PARD3B: variants seen among roughly 807,000 people sequenced by gnomAD.
PARD3B encodes par-3 family cell polarity regulator beta, also known as partitioning defective 3 homolog B.
PARD3B carries 103 observed loss-of-function variants against 130.2 expected under a neutral mutation model. The observed-to-expected ratio is 0.79, with a 90% CI of 0.67 to 0.93. The LOEUF (loss-of-function observed/expected upper bound fraction) is 0.93. PARD3B is among the 40% of genes least tolerant of loss of function. The pLI, the probability that PARD3B is intolerant of heterozygous loss-of-function variation, is 0.00. For missense variants in PARD3B, 1,609 were observed against 1,499.2 expected, an observed-to-expected ratio of 1.07 and a Z score of -1.21; for synonymous variants, 583 against 553.2, an observed-to-expected ratio of 1.05 and a Z score of -0.76.
At chr2:205,545,254 C>T (rs998230649) in intron 21 of PARD3B, among the ~76,000 whole-genome samples, 1 of 152,140 alleles carries the variant, frequency 6.6e-6, no homozygotes, top group Non-Finnish European at 1.5e-5. Flanking sequence ...CCCCTAGAAA[C>T]ATATAGCATT....
intron 19 of PARD3B, among the ~76,000 whole-genome samples, chr2:205,437,504 A>G (rs1313683787): frequency 1.3e-5 from 2 of 152,200 alleles, no homozygotes; most frequent in Non-Finnish European, 2.9e-5. Context: ...TGTCCAATAT[A>G]GTAGTTACTA....
chr2:205,338,835 T>A (rs144341946), intron 18 of PARD3B, among the ~76,000 whole-genome samples: 20 of 152,230 alleles, frequency 1.3e-4, no homozygotes, highest in African/African-American at 4.8e-4. Context: ...TGGGTTGGAG[T>A]TCTATAGCTG....
At chr2:204,595,393 C>T (rs2033241610) in intron 1 of PARD3B, among the ~76,000 whole-genome samples, 1 of 152,204 alleles carries the variant, frequency 6.6e-6, no homozygotes, top group African/African-American at 2.4e-5. Flanking sequence ...CAAGGATGGG[C>T]ACCATAGGAA....
rs532997996 is a variant in PARD3B at position 204,678,278 on chromosome 2, C to T, written c.121-7903C>T. On this transcript the variant is annotated intron_variant, in intron 1 of 22. Coordinates refer to ENST00000406610, the MANE Select transcript of PARD3B (RefSeq NM_001302769.2). This position sits in a 1 kb window ranked among gnomAD's most constrained non-coding sequence, Gnocchi z 4.2. ...CCCGTGGTAGCAATCAGTGGTTGCC[C>T]GCAACTTCTGGAGCCCCAGAGGTTG... Among the ~76,000 whole-genome samples, 12 of 152,222 alleles carry T rather than the reference C, an allele frequency of 7.9e-5. No individual in the cohort carries two copies. The highest frequency in any genetic ancestry group is 2.1e-4 in the South Asian group (1 of 4,822).
intron 1 of PARD3B, among the ~76,000 whole-genome samples, chr2:204,581,908 G>A (rs1253540146): frequency 6.6e-6 from 1 of 152,170 alleles, no homozygotes; most frequent in African/African-American, 2.4e-5. Flanking sequence ...GTGACCTTGG[G>A]TAAAGTTATT....
At position 205,174,293 on chromosome 2, in the gene PARD3B, A is replaced by C. The variant is rs79810869; in HGVS notation, c.1791+1912A>C. On this transcript the variant is annotated intron_variant, in intron 12 of 22. Transcript: ENST00000406610. ...TAGATCACCAGGGAATTGATCAAGA[A>C]TAAGAACTGGGTCAAAAAGCAATTT... 2.6e-3 allele frequency among the ~76,000 whole-genome samples: 387 copies of C among 151,678 alleles called. 2 individuals carry two copies. Among genetic ancestry groups the C allele is most frequent in the African/African-American group, 7.4e-3 (307 of 41,402 alleles).
Position 205,585,008 on chromosome 2 carries a change from G to A in PARD3B, c.3261-30448G>A, listed in dbSNP as rs113235058. Among the ~76,000 whole-genome samples the A allele has an allele frequency of 2.4e-3, 359 of 152,234 alleles. 1 individual carries two copies. The highest frequency in any genetic ancestry group is 7.2e-3 in the African/African-American group (299 of 41,556). Reference sequence around the variant, plus strand: ...TGTCTAATTGCGCCCACAAATGACCGTTTGACAGGCACCACTCATTGTGCA... The same window carrying A: ...TGTCTAATTGCGCCCACAAATGACCATTTGACAGGCACCACTCATTGTGCA... On this transcript the variant is annotated intron_variant, in intron 22 of 22. Transcript: ENST00000406610. This position sits in a 1 kb window ranked among gnomAD's most constrained non-coding sequence, Gnocchi z 5.4.
rs1319514112 is a variant in PARD3B, at chr2:204,971,834, A to T, written c.394+6511A>T. On this transcript the variant is annotated intron_variant, in intron 3 of 22. Coordinates refer to ENST00000406610, the MANE Select transcript of PARD3B (RefSeq NM_001302769.2). ...CTTTTGCTACTGTTGTTTTGTTTTA[A>T]TTTTTTTTTTTTTTTTTTTGTAGCA... 8.6e-3 allele frequency among the ~76,000 whole-genome samples: 1,132 copies of T among 131,204 alleles called. 8 individuals are homozygous for T. Among genetic ancestry groups the T allele is most frequent in the Non-Finnish European group, 0.014 (856 of 62,126 alleles). The allele number at this position is 131,204 out of a possible 152,430, so 86.1% of individuals were successfully genotyped here. A position where few individuals can be genotyped will look rare whatever the true frequency, so the allele number is the denominator to read the frequency against.
intron 15 of PARD3B, among the ~76,000 whole-genome samples, chr2:205,199,135 T>C (rs2036852070): frequency 6.6e-6 from 1 of 152,140 alleles, no homozygotes; most frequent in Non-Finnish European, 1.5e-5. Context: ...TTTCATTAAG[T>C]AAATGTTTAT....
chr2:204,854,269 C>T (rs567993949), intron 2 of PARD3B, among the ~76,000 whole-genome samples: 1 of 152,198 alleles, frequency 6.6e-6, no homozygotes, highest in African/African-American at 2.4e-5. Flanking sequence ...GGAAGTAGTG[C>T]TGTTCAGTAA....
intron 16 of PARD3B, among the ~76,000 whole-genome samples, chr2:205,267,011 C>G (rs1007795094): frequency 6.6e-6 from 1 of 152,088 alleles, no homozygotes; most frequent in African/African-American, 2.4e-5. Flanking sequence ...GAAAAAAAGG[C>G]ATTCCTCTCA....
At chr2:205,429,295 A>C (rs556165868) in intron 19 of PARD3B, among the ~76,000 whole-genome samples, 7 of 152,194 alleles carry the variant, frequency 4.6e-5, no homozygotes, top group Non-Finnish European at 8.8e-5. Context: ...TGACTCTGAA[A>C]ATTAGCAGTG....
chr2:204,863,402 C>T (rs528722544), intron 2 of PARD3B, among the ~76,000 whole-genome samples: 15 of 152,192 alleles, frequency 9.9e-5, no homozygotes, highest in Non-Finnish European at 2.2e-4. Context: ...CCCACAACCA[C>T]TTCTGGTATG....
At chr2:205,150,364 G>A (rs1054404738) in intron 10 of PARD3B, among the ~76,000 whole-genome samples, 1 of 151,894 alleles carries the variant, frequency 6.6e-6, no homozygotes, top group Non-Finnish European at 1.5e-5. Flanking sequence ...TATCACTAAG[G>A]TCTGGCATTT....
At chr2:204,685,592 A>G (rs146763527) in intron 1 of PARD3B, among the ~76,000 whole-genome samples, 24 of 152,308 alleles carry the variant, frequency 1.6e-4, no homozygotes, top group African/African-American at 5.5e-4. Flanking sequence ...ACACAGTTTG[A>G]GTTGCTGCCA....
At position 205,344,194 on chromosome 2, in the gene PARD3B, T is replaced by TTGTGTTTGTGTGTGTGTGTGTGTG. The variant is rs148707708; in HGVS notation, c.2630+42498_2630+42499insTTGTGTGTGTGTGTGTGTGTGTGT. 7.1e-5 allele frequency among the ~76,000 whole-genome samples: 10 copies of TTGTGTTTGTGTGTGTGTGTGTGTG among 140,956 alleles called. 1 individual carries two copies. Among genetic ancestry groups the TTGTGTTTGTGTGTGTGTGTGTGTG allele is most frequent in the African/African-American group, 2.1e-4 (8 of 38,486 alleles). 92.5% of individuals were successfully genotyped at this position (140,956 alleles called of 152,430 possible). On this transcript the variant is annotated intron_variant, in intron 18 of 22. Transcript: ENST00000406610. Reference sequence around the variant, plus strand: ...GAAGGTGGGAAATGTGTCAGTTGGTTTGTGTGTGTGTGTGTGTGTGTGTGT... The same window carrying TTGTGTTTGTGTGTGTGTGTGTGTG: ...GAAGGTGGGAAATGTGTCAGTTGGTTTGTGTTTGTGTGTGTGTGTGTGTGTGTGTGTGTGTGTGTGTGTGTGTGT...
chr2:204,788,364 A>G (rs1193453580), intron 2 of PARD3B, among the ~76,000 whole-genome samples: 1 of 152,252 alleles, frequency 6.6e-6, no homozygotes, highest in Non-Finnish European at 1.5e-5. Flanking sequence ...TTTGCAAAAG[A>G]CAGAGGCATA....
chr2:205,027,655 G>A (rs192940772), intron 3 of PARD3B, among the ~76,000 whole-genome samples: 1 of 152,178 alleles, frequency 6.6e-6, no homozygotes, highest in Non-Finnish European at 1.5e-5. Context: ...ATGTAAAGGA[G>A]CTTTTTCACT....
At chr2:204,555,506 T>C (rs1000479030) in intron 1 of PARD3B, among the ~76,000 whole-genome samples, 2 of 152,090 alleles carry the variant, frequency 1.3e-5, no homozygotes, top group Non-Finnish European at 2.9e-5. Context: ...TGCAGTGAGC[T>C]GAGAGTGCAT....
Sources: gnomAD v4.1 joint callset for allele counts (sites outside exome capture counted in the v4.1 genomes callset) on GRCh38, gnomAD v4.1.1 for gene constraint, Gnocchi (gnomAD v3.1) non-coding constraint, MANE v1.5 for transcripts, NCBI Gene and HGNC (gene_info 2026-07-23, HGNC 2026-07-21) for gene names.